SHISA5: variants seen among roughly 807,000 people sequenced by gnomAD.
SHISA5 encodes the protein shisa family member 5, also known as protein shisa-5.
Under a neutral mutation model 27.5 loss-of-function variants are expected in SHISA5, and 21 were observed. That is an observed-to-expected ratio of 0.76 (90% CI 0.54 to 1.10). The LOEUF (loss-of-function observed/expected upper bound fraction) is 1.10. Among genes scored for constraint, SHISA5 ranks in the 50% least tolerant of loss-of-function variants. The pLI is 0.00. For missense variants in SHISA5, 314 were observed against 336.3 expected (o/e 0.93, Z 0.52); for synonymous variants, 137 against 142.2 (o/e 0.96, Z 0.26).
chr3:48,478,315 C>T (rs1337556999), intron 3 of SHISA5, among the ~76,000 whole-genome samples: 1 of 152,206 alleles, frequency 6.6e-6, no homozygotes, highest in Non-Finnish European at 1.5e-5. Context: ...TGAGGCCCCA[C>T]ACCTGCCTGG....
intron 2 of SHISA5, among the ~76,000 whole-genome samples, chr3:48,494,853 C>T (rs1241442343): frequency 2.0e-5 from 3 of 147,352 alleles, no homozygotes; most frequent in Non-Finnish European, 4.4e-5. Flanking sequence ...CTACTTTTTT[C>T]CATGACAATG....
At chr3:48,486,287 G>T (rs1180136002) in intron 2 of SHISA5, among the ~76,000 whole-genome samples, 1 of 836 alleles carries the variant, frequency 1.2e-3, no homozygotes, top group Non-Finnish European at 2.3e-3. Context: ...AACATATAAT[G>T]TATTATATAT....
Position 48,473,681 on chromosome 3 carries a change from G to A in SHISA5, c.315-3838C>T. On this transcript the variant is annotated intron_variant, in intron 3 of 5. Coordinates refer to ENST00000296444, the MANE Select transcript of SHISA5 (RefSeq NM_016479.6). The surrounding 1 kb of genome is among the most constrained non-coding windows in gnomAD (Gnocchi z 4.3). ...GCCAGCTATGGCTCCTGTAGCTCTT[G>A]CGATTACAAAGGAATTTGCTTTATA... The A allele has an allele frequency of 9.6e-7, 1 of 1,040,210 alleles. No homozygotes were observed. Among genetic ancestry groups the A allele is most frequent in the African/African-American group, 1.7e-5 (1 of 59,212 alleles). 64.4% of individuals were successfully genotyped at this position (1,040,210 alleles called of 1,614,324 possible).
At chr3:48,503,159 G>A (rs1184911098) in intron 1 of SHISA5, 2 of 1,289,670 alleles carry the variant, frequency 1.6e-6, no homozygotes, top group Non-Finnish European at 2.0e-6. Flanking sequence ...ATGCAGCAAG[G>A]TCTTCACAGC....
intron 1 of SHISA5, chr3:48,502,363 C>T (rs991220459): frequency 8.8e-6 from 4 of 456,594 alleles, no homozygotes; most frequent in African/African-American, 2.0e-5. Context: ...GCTGGGCCTG[C>T]AGCAGGTGTC....
intron 2 of SHISA5, among the ~76,000 whole-genome samples, chr3:48,480,138 C>T (rs1224509831): frequency 1.3e-5 from 2 of 151,752 alleles, no homozygotes; most frequent in African/African-American, 4.8e-5. Flanking sequence ...CTCCTGACCT[C>T]GTGATCCACC....
chr3:48,496,160 C>T (rs1267338400), intron 2 of SHISA5, among the ~76,000 whole-genome samples: 5 of 147,424 alleles, frequency 3.4e-5, no homozygotes, highest in Non-Finnish European at 7.4e-5. Context: ...GGCATGGAGG[C>T]GTTCCCCTGT....
intron 1 of SHISA5, among the ~76,000 whole-genome samples, chr3:48,502,803 T>C (rs1356522057): frequency 2.0e-5 from 3 of 152,158 alleles, no homozygotes; most frequent in Non-Finnish European, 4.4e-5. Flanking sequence ...TACATCGGCC[T>C]GGAAACAGTC....
rs1055996039 is a variant in SHISA5 at position 48,471,573 on chromosome 3, A to C, written c.315-1730T>G. 3.4e-5 allele frequency among the ~76,000 whole-genome samples: 4 copies of C among 117,412 alleles called. 1 individual carries two copies. Among genetic ancestry groups the C allele is most frequent in the Non-Finnish European group, 7.0e-5 (4 of 57,480 alleles). 77.0% of individuals were successfully genotyped at this position (117,412 alleles called of 152,430 possible). The stretch of plus-strand genomic sequence containing the variant: ...CTGTCTCAAAAAAAAAAAAAAAAAA[A>C]AAAAAGTCAGCCTTACATTTTGTAC... On this transcript the variant is annotated intron_variant, in intron 3 of 5. Coordinates refer to ENST00000296444, the MANE Select transcript of SHISA5 (RefSeq NM_016479.6).
At position 48,472,971 on chromosome 3, in the gene SHISA5, G is replaced by T. The variant is rs567718625; in HGVS notation, c.315-3128C>A. The T allele has an allele frequency of 1.8e-5, 28 of 1,519,430 alleles. No homozygotes were observed. The South Asian group carries it at 3.2e-4, about 17-fold the overall frequency. The allele number at this position is 1,519,430 out of a possible 1,614,324, so 94.1% of individuals were successfully genotyped here. A position where few individuals can be genotyped will look rare whatever the true frequency, so the allele number is the denominator to read the frequency against. On this transcript the variant is annotated intron_variant, in intron 3 of 5. Transcript: ENST00000296444. Reference sequence around the variant, plus strand: ...TCCCTCCAGAGATCTCTCAGTGTTTGTCTCTCAAACACACACGCAGCATGG... The same window carrying T: ...TCCCTCCAGAGATCTCTCAGTGTTTTTCTCTCAAACACACACGCAGCATGG...
At chr3:48,472,911 G>T in intron 3 of SHISA5, 1 of 1,189,952 alleles carries the variant, frequency 8.4e-7, no homozygotes, top group Non-Finnish European at 1.2e-6. Flanking sequence ...ACATTCACAC[G>T]CCATCAATGA....
intron 2 of SHISA5, among the ~76,000 whole-genome samples, chr3:48,489,888 T>C (rs2041371319): frequency 6.6e-6 from 1 of 151,870 alleles, no homozygotes; most frequent in African/African-American, 2.4e-5. Flanking sequence ...TCTCAGCCTC[T>C]CAAAGTACTG....
In SHISA5 at chr3:48,469,940, G is replaced by C; in HGVS notation, c.315-97C>G. On this transcript the variant is annotated intron_variant, in intron 3 of 5. Coordinates refer to ENST00000296444, the MANE Select transcript of SHISA5 (RefSeq NM_016479.6). The surrounding 1 kb of genome is among the most constrained non-coding windows in gnomAD (Gnocchi z 4.6). Reference sequence around the variant, plus strand: ...ATGCCCCTCTTGCCAGAAGGGGTCTGGGCAATACAGTTATAGCTACTTCCT... The same window carrying C: ...ATGCCCCTCTTGCCAGAAGGGGTCTCGGCAATACAGTTATAGCTACTTCCT... 8 of 1,467,078 alleles carry C rather than the reference G, an allele frequency of 5.5e-6. No individual in the cohort carries two copies. Among genetic ancestry groups the C allele is most frequent in the Non-Finnish European group, 7.4e-6 (8 of 1,085,202 alleles). 90.9% of individuals were successfully genotyped at this position (1,467,078 alleles called of 1,614,324 possible).
rs2040917629 is a variant in SHISA5, at chr3:48,479,121, G to A, written c.314+56C>T. 3.3e-6 allele frequency: 5 copies of A among 1,501,008 alleles called. No homozygotes were observed. In the East Asian group the frequency reaches 7.2e-5, roughly 22 times the overall value. 93.0% of individuals were successfully genotyped at this position (1,501,008 alleles called of 1,614,324 possible). A position where few individuals can be genotyped will look rare whatever the true frequency, so the allele number is the denominator to read the frequency against. On this transcript the variant is annotated intron_variant, in intron 3 of 5. Coordinates refer to ENST00000296444, the MANE Select transcript of SHISA5 (RefSeq NM_016479.6). ...CCCCCAGATGCACACTGGCCCCCCT[G>A]AGCCCTCTTGTCACCTTTGCCAGGA...
chr3:48,482,484 T>G (rs2041057031), intron 2 of SHISA5, among the ~76,000 whole-genome samples: 1 of 152,208 alleles, frequency 6.6e-6, no homozygotes, highest in South Asian at 2.1e-4. Flanking sequence ...AAAGGCATTT[T>G]GGAAACTAGT....
At chr3:48,490,554 A>AT (rs577667883) in intron 2 of SHISA5, among the ~76,000 whole-genome samples, 10 of 152,170 alleles carry the variant, frequency 6.6e-5, no homozygotes, top group East Asian at 5.8e-4. Context: ...CTAAACTCTG[A>AT]TTTTTTTTAT....
chr3:48,480,409 C>A (rs1303917573), intron 2 of SHISA5, among the ~76,000 whole-genome samples: 2 of 151,928 alleles, frequency 1.3e-5, no homozygotes, highest in Non-Finnish European at 2.9e-5. Context: ...ATAAAGGAAA[C>A]TAACAAGTAT....
At chr3:48,483,534 C>T (rs1395102933) in intron 2 of SHISA5, among the ~76,000 whole-genome samples, 4 of 152,200 alleles carry the variant, frequency 2.6e-5, no homozygotes, top group Non-Finnish European at 5.9e-5. Context: ...ATCTTTTCCC[C>T]ACCTTTCCCC....
chr3:48,492,721 T>A (rs1004799405), intron 2 of SHISA5, among the ~76,000 whole-genome samples: 4 of 147,790 alleles, frequency 2.7e-5, no homozygotes, highest in Non-Finnish European at 4.4e-5. Context: ...CCTGGGCTTA[T>A]AAACCACAGG....
Sources: gnomAD v4.1 joint callset for allele counts (sites outside exome capture counted in the v4.1 genomes callset) on GRCh38, gnomAD v4.1.1 for gene constraint, Gnocchi (gnomAD v3.1) non-coding constraint, MANE v1.5 for transcripts, NCBI Gene and HGNC (gene_info 2026-07-23, HGNC 2026-07-21) for gene names.